SLC9A9: variants seen among roughly 807,000 people sequenced by gnomAD.
The protein encoded by SLC9A9 is solute carrier family 9 member A9, also known as sodium/hydrogen exchanger 9.
SLC9A9 carries 62 observed loss-of-function variants against 77.8 expected under a neutral mutation model. The ratio of observed to expected loss-of-function variants is 0.80; its 90% CI spans 0.65 to 0.98. The LOEUF (loss-of-function observed/expected upper bound fraction) is 0.98. SLC9A9 is among the 50% of genes least tolerant of loss of function. The pLI is 0.00. For synonymous variants in SLC9A9, 320 were observed against 283.5 expected, an observed-to-expected ratio of 1.13 and a Z score of -1.29; for missense variants, 775 against 774.9, an observed-to-expected ratio of 1.00 and a Z score of 0.00.
intron 12 of SLC9A9, among the ~76,000 whole-genome samples, chr3:143,399,957 A>T (rs879009166): frequency 1.3e-5 from 2 of 152,172 alleles, no homozygotes; most frequent in South Asian, 2.1e-4. Flanking sequence ...TGTTACACTC[A>T]TATATATCTT....
chr3:143,812,891 G>A (rs943904820), intron 2 of SLC9A9, among the ~76,000 whole-genome samples: 5 of 152,134 alleles, frequency 3.3e-5, no homozygotes, highest in African/African-American at 9.7e-5. Context: ...ACATTAAGCC[G>A]CTGAGATGTG....
At chr3:143,726,448 G>T (rs2108806575) in intron 4 of SLC9A9, among the ~76,000 whole-genome samples, 1 of 152,176 alleles carries the variant, frequency 6.6e-6, no homozygotes, top group South Asian at 2.1e-4. Context: ...ATCTTCTATT[G>T]TATGCAAGTT....
At chr3:143,833,953 C>T (rs2009502835) in intron 1 of SLC9A9, among the ~76,000 whole-genome samples, 1 of 152,130 alleles carries the variant, frequency 6.6e-6, no homozygotes, top group Non-Finnish European at 1.5e-5. Flanking sequence ...AGAGGCTCCT[C>T]TCTCATGCTG....
At chr3:143,745,520 C>G (rs1441937414) in intron 4 of SLC9A9, among the ~76,000 whole-genome samples, 1 of 152,198 alleles carries the variant, frequency 6.6e-6, no homozygotes, top group East Asian at 1.9e-4. Flanking sequence ...TTCATGAAAA[C>G]TTTACAGCTG....
intron 4 of SLC9A9, among the ~76,000 whole-genome samples, chr3:143,728,290 G>A (rs1249996880): frequency 6.6e-6 from 1 of 152,154 alleles, no homozygotes; most frequent in Non-Finnish European, 1.5e-5. Flanking sequence ...GTGAGATGGA[G>A]GGAATGGGAG....
intron 9 of SLC9A9, among the ~76,000 whole-genome samples, chr3:143,503,042 TG>T (rs2035951467): frequency 6.6e-6 from 1 of 152,250 alleles, no homozygotes; most frequent in Non-Finnish European, 1.5e-5. Flanking sequence ...GATAAACTTT[TG>T]CTCCTACGAT....
At chr3:143,759,564 T>C (rs1373430848) in intron 4 of SLC9A9, among the ~76,000 whole-genome samples, 1 of 151,984 alleles carries the variant, frequency 6.6e-6, no homozygotes, top group African/African-American at 2.4e-5. Context: ...TTGATGGGTG[T>C]CCAGATCCTT....
intron 1 of SLC9A9, among the ~76,000 whole-genome samples, chr3:143,845,370 T>C (rs191749017): frequency 7.1e-4 from 108 of 152,354 alleles, no homozygotes; most frequent in Admixed American, 1.4e-3. Flanking sequence ...TATCCCATCA[T>C]GTTCCTCTGG....
chr3:143,474,067 G>A (rs1309356494), intron 11 of SLC9A9, among the ~76,000 whole-genome samples: 1 of 152,184 alleles, frequency 6.6e-6, no homozygotes, highest in East Asian at 1.9e-4. Flanking sequence ...TGACATTTGA[G>A]CAGAGAACCT....
chr3:143,584,017 G>A (rs752335874), intron 6 of SLC9A9, among the ~76,000 whole-genome samples: 16 of 152,146 alleles, frequency 1.1e-4, no homozygotes, highest in Non-Finnish European at 2.2e-4. Context: ...AAGAAAAAGA[G>A]GAGGAAGAAG....
At chr3:143,662,947 GCA>G (rs1244812446) in intron 5 of SLC9A9, among the ~76,000 whole-genome samples, 1 of 152,062 alleles carries the variant, frequency 6.6e-6, no homozygotes, top group Non-Finnish European at 1.5e-5. Flanking sequence ...GGTTCTCCCA[GCA>G]CAGAGTTTGA....
At chr3:143,691,146 G>C (rs945167395) in intron 5 of SLC9A9, among the ~76,000 whole-genome samples, 3 of 152,046 alleles carry the variant, frequency 2.0e-5, no homozygotes, top group African/African-American at 7.2e-5. Flanking sequence ...AATCCTGCTG[G>C]TCTGAGAAGT....
At position 143,347,118 on chromosome 3, in the gene SLC9A9, T is replaced by G. The variant is rs201683124; in HGVS notation, c.1604+16366A>C. On this transcript the variant is annotated intron_variant, in intron 14 of 15. Transcript: ENST00000316549. ...TGGTAGGAGACATACACTGAAGCAGTGGCTACAACTCCAAAATATACCAAT... is the reference window on the plus strand; with the variant it reads ...TGGTAGGAGACATACACTGAAGCAGGGGCTACAACTCCAAAATATACCAAT... 3.3e-5 allele frequency: 5 copies of G among 152,272 alleles called. No homozygotes were observed. The East Asian group carries it at 9.7e-4, about 29-fold the overall frequency. The allele number at this position is 152,272 out of a possible 1,614,324, so 9.4% of individuals were successfully genotyped here.
At chr3:143,398,310 A>G (rs2033774763) in intron 12 of SLC9A9, among the ~76,000 whole-genome samples, 1 of 152,180 alleles carries the variant, frequency 6.6e-6, no homozygotes, top group East Asian at 1.9e-4. Context: ...TTGAGCTTGT[A>G]TTCACACAAG....
In SLC9A9 at chr3:143,323,122, G is replaced by A. The variant is rs367611599; in HGVS notation, c.1604+40362C>T. 5.9e-5 allele frequency among the ~76,000 whole-genome samples: 9 copies of A among 152,122 alleles called. No individual in the cohort carries two copies. In the South Asian group the frequency reaches 6.2e-4, roughly 10 times the overall value. ...GGAGAAACGGGAACTCTTATATACCGTTGGTGGGAATGTAAACTAGAACAG... is the reference window on the plus strand; with the variant it reads ...GGAGAAACGGGAACTCTTATATACCATTGGTGGGAATGTAAACTAGAACAG... On this transcript the variant is annotated intron_variant, in intron 14 of 15. Coordinates refer to ENST00000316549, the MANE Select transcript of SLC9A9 (RefSeq NM_173653.4).
chr3:143,592,213 G>A (rs1181679214), intron 6 of SLC9A9, among the ~76,000 whole-genome samples: 9 of 152,228 alleles, frequency 5.9e-5, no homozygotes, highest in Admixed American at 5.2e-4. Context: ...TGAATAATCA[G>A]TGCAAGGCAC....
chr3:143,318,158 C>A (rs2031290969), intron 14 of SLC9A9, among the ~76,000 whole-genome samples: 3 of 152,154 alleles, frequency 2.0e-5, no homozygotes, highest in African/African-American at 7.2e-5. Context: ...TTTACTATTT[C>A]TCAAGCTACT....
intron 14 of SLC9A9, among the ~76,000 whole-genome samples, chr3:143,326,857 T>C (rs191022883): frequency 2.9e-4 from 44 of 152,330 alleles, no homozygotes; most frequent in Non-Finnish European, 5.1e-4. Flanking sequence ...TAAATAAATA[T>C]TTGTCAAATC....
At chr3:143,309,345 C>T (rs17636599) in intron 14 of SLC9A9, among the ~76,000 whole-genome samples, 1,811 of 151,776 alleles carry the variant, frequency 0.012, 28 homozygotes, top group Non-Finnish European at 0.014. Context: ...TAAGGAAACA[C>T]CACAGCGTAC....
Sources: allele counts gnomAD v4.1 joint callset (sites outside exome capture counted in the v4.1 genomes callset), GRCh38; gene constraint gnomAD v4.1.1; transcripts MANE v1.5; gene names NCBI Gene and HGNC (gene_info 2026-07-23, HGNC 2026-07-21).